Variants in NCAPG observed in about 807,000 individuals in gnomAD.
NCAPG encodes non-SMC condensin I complex subunit G.
A neutral mutation model predicts 113.1 loss-of-function variants in NCAPG; 69 were observed. That is an observed-to-expected ratio of 0.61 (90% CI 0.50 to 0.75). NCAPG has a LOEUF of 0.75. Ranked by LOEUF, NCAPG falls within the 30% of genes least tolerant of loss-of-function variation. NCAPG has a pLI of 0.00. For synonymous variants in NCAPG, 370 were observed against 415.8 expected (o/e 0.89, Z 1.34); for missense variants, 1,058 against 1,177.0 (o/e 0.90, Z 1.48).
rs1410599718 is a variant in NCAPG, at chr4:17,844,328, C to A, written c.*903C>A. On this transcript the variant is annotated 3_prime_UTR_variant, in exon 21 of 21. Coordinates refer to ENST00000251496, the MANE Select transcript of NCAPG (RefSeq NM_022346.5). ...TTTTCTGCAATACCCAACGAAACACCTTTTCTCTTTATTATTCAGAAATGT... is the reference window on the plus strand; with the variant it reads ...TTTTCTGCAATACCCAACGAAACACATTTTCTCTTTATTATTCAGAAATGT... 6.6e-6 allele frequency: 1 copy of A among 152,304 alleles called. No homozygotes were observed. The highest frequency in any genetic ancestry group is 1.5e-5 in the Non-Finnish European group (1 of 67,836). 9.4% of individuals were successfully genotyped at this position (152,304 alleles called of 1,614,324 possible). A position where few individuals can be genotyped will look rare whatever the true frequency, so the allele number is the denominator to read the frequency against.
chr4:17,837,243 C>G lies in NCAPG; in HGVS notation c.2194C>G (p.Arg732Gly). The G allele has an allele frequency of 6.2e-7, 1 of 1,613,932 alleles. No individual in the cohort carries two copies. Among genetic ancestry groups the G allele is most frequent in the Non-Finnish European group, 8.5e-7 (1 of 1,179,918 alleles). Reference sequence around the variant, plus strand: ...TTTGGTCAGCAGCAGGATTCTTTCTCGTCTTATTTTGTTATGGTACAATCC... The same window carrying G: ...TTTGGTCAGCAGCAGGATTCTTTCTGGTCTTATTTTGTTATGGTACAATCC... ...GLLVSSRILS[R>G]LILLWYNPVT... The change falls in exon 15 of 21, where the codon CGT becomes GGT. Residue 732 changes from arginine (R) to glycine (G), a missense_variant. By Grantham distance (125) the Arg-to-Gly change is moderately radical. Transcript: ENST00000251496.
rs780474761 is a variant in NCAPG, at chr4:17,837,756, A to C, written c.2421A>C (p.Arg807Ser). 1 of 1,613,972 alleles carries C rather than the reference A, an allele frequency of 6.2e-7. No individual in the cohort carries two copies. The highest frequency in any genetic ancestry group is 2.2e-5 in the East Asian group (1 of 44,872). ...NVAELLVDLT[R>S]PSGLNPQAKT... ...CTGAGTTACTTGTAGATTTGACAAG[A>C]CCAAGTGGATTAAATCCTCAGGCCA... is the stretch of plus-strand genomic sequence containing the variant. Residue 807 changes from arginine (R) to serine (S), a missense_variant, in exon 16 of 21, where the codon AGA (arginine) becomes AGC (serine). By Grantham distance (110) the Arg-to-Ser change is moderately radical (BLOSUM62 -1). Coordinates refer to ENST00000251496, the MANE Select transcript of NCAPG (RefSeq NM_022346.5).
At chr4:17,823,601 C>T in intron 8 of NCAPG, 46 bp from the exon 9 acceptor site, 4 of 1,542,330 alleles carry the variant, frequency 2.6e-6, no homozygotes, top group Non-Finnish European at 1.8e-6. Context: ...AGAGATAAAA[C>T]ATGTTTTGTC....
chr4:17,838,258 T>A (rs1722184804), intron 16 of NCAPG, among the ~76,000 whole-genome samples: 1 of 152,218 alleles, frequency 6.6e-6, no homozygotes, highest in South Asian at 2.1e-4. Context: ...GTTGTTTTAA[T>A]CCTTTAATGG....
chr4:17,825,058 G>T lies in NCAPG; in HGVS notation c.1473+1G>T, dbSNP rs762857171. 2.2e-5 allele frequency: 35 copies of T among 1,608,424 alleles called. No homozygotes were observed. The South Asian group carries it at 3.6e-4, about 17-fold the overall frequency. On this transcript the variant is annotated splice_donor_variant, in intron 10 of 20. Transcript: ENST00000251496. LOFTEE classifies it high-confidence loss of function. ...TGATGTAAGAAAGAAAGAACTCAAG[G>T]TAAGTCTCTTTTAAATGAAAGAAGT...
In NCAPG at chr4:17,817,407, A is replaced by G. The variant is rs746200906; in HGVS notation, c.922A>G (p.Thr308Ala). ...VSVLNALFSI[T>A]PLSELVGLCK... The stretch of plus-strand genomic sequence containing the variant: ...TGTTCTCAATGCCTTGTTTTCAATA[A>G]CTCCTCTCAGTGAACTGGTGGGACT... The change falls in exon 6 of 21, where the codon ACT becomes GCT. Residue 308 changes from threonine (T) to alanine (A), a missense_variant. Transcript: ENST00000251496. The G allele has an allele frequency of 1.9e-5, 31 of 1,613,902 alleles. No homozygotes were observed.
intron 14 of NCAPG, among the ~76,000 whole-genome samples, chr4:17,834,739 C>T (rs186058299): frequency 2.0e-5 from 3 of 152,162 alleles, no homozygotes. Flanking sequence ...CTCCCCTACC[C>T]CCCTATCCCC....
chr4:17,842,001 AAC>A (rs1722458269), intron 19 of NCAPG: 4 of 245,424 alleles, frequency 1.6e-5, no homozygotes, highest in Middle Eastern at 1.4e-3. Context: ...ACTTCATTAT[AAC>A]ACATTTTTCA....
intron 11 of NCAPG, among the ~76,000 whole-genome samples, 158 bp downstream of exon 11, chr4:17,825,719 T>C (rs1721635219): frequency 6.6e-6 from 1 of 152,090 alleles, no homozygotes; most frequent in Admixed American, 6.5e-5. Flanking sequence ...CCTGTTTCTA[T>C]TTTTGGACTT....
chr4:17,842,539 A>G (rs908299047), intron 20 of NCAPG, 160 bp downstream of exon 20: 4 of 601,944 alleles, frequency 6.6e-6, no homozygotes, highest in Non-Finnish European at 8.8e-6. Context: ...TTCCATCATC[A>G]AGAGCATTTG....
At chr4:17,824,076 G>A (rs1721561733) in intron 9 of NCAPG, among the ~76,000 whole-genome samples, 1 of 152,062 alleles carries the variant, frequency 6.6e-6, no homozygotes, top group African/African-American at 2.4e-5. Flanking sequence ...GTTTTTGAGA[G>A]CTTACTCAAA....
intron 16 of NCAPG, 47 bp downstream of exon 16, chr4:17,837,848 A>T (rs1577210568): frequency 1.2e-6 from 2 of 1,601,434 alleles, no homozygotes; most frequent in East Asian, 4.5e-5. Flanking sequence ...TTGGTAAAAT[A>T]ATCTCTCTCA....
chr4:17,840,458 C>A, intron 18 of NCAPG, 149 bp from the exon 19 acceptor site: 1 of 589,054 alleles, frequency 1.7e-6, no homozygotes, highest in Non-Finnish European at 2.6e-6. Context: ...TTCCAATATT[C>A]AAATTTTCGA....
In NCAPG at chr4:17,837,252, T is replaced by C. The variant is rs1364818482; in HGVS notation, c.2203T>C (p.Leu735=). The part of the protein sequence containing the change: ...VSSRILSRLI[L]LWYNPVTEED... ...CAGCAGGATTCTTTCTCGTCTTATT[T>C]TGTTATGGTACAATCCTGTGACTGA... The change falls in exon 15 of 21, where the codon TTG becomes CTG. Residue 735 remains leucine, a synonymous_variant. Coordinates refer to ENST00000251496, the MANE Select transcript of NCAPG (RefSeq NM_022346.5). 3 of 1,614,044 alleles carry C rather than the reference T, an allele frequency of 1.9e-6. No individual in the cohort carries two copies. The South Asian group carries it at 3.3e-5, about 18-fold the overall frequency.
intron 12 of NCAPG, 128 bp from the exon 13 acceptor site, chr4:17,830,869 T>A: frequency 1.1e-6 from 1 of 894,008 alleles, no homozygotes; most frequent in Non-Finnish European, 1.7e-6. Context: ...CTGGCTATAT[T>A]GTTCTGTTTT....
intron 16 of NCAPG, among the ~76,000 whole-genome samples, chr4:17,839,122 G>A (rs189370124): frequency 3.5e-4 from 54 of 152,270 alleles, no homozygotes; most frequent in African/African-American, 1.3e-3. Context: ...TAATTGGGGA[G>A]TACTCTCATG....
chr4:17,840,646 TA>T lies in NCAPG; in HGVS notation c.2811del (p.Ala938GlnfsTer10). On this transcript the variant is annotated frameshift_variant, in exon 19 of 21. Transcript: ENST00000251496. LOFTEE classifies it high-confidence loss of function. ...GTATATATGACTCCACTCAGGGGTG[TA>T]AAAGCAACCCAAGCATCAAAGTCTA... ...KEVYMTPLRG[V>X]KATQASKSTQ... The T allele has an allele frequency of 1.3e-6, 2 of 1,560,842 alleles. No individual in the cohort carries two copies. The highest frequency in any genetic ancestry group is 2.3e-5 in the East Asian group (1 of 42,596).
chr4:17,842,411 C>CCTAT lies in NCAPG; in HGVS notation c.2924+35_2924+38dup, dbSNP rs779242957. The CCTAT allele has an allele frequency of 2.6e-6, 4 of 1,538,852 alleles. No individual in the cohort carries two copies. In the South Asian group the frequency reaches 4.6e-5, roughly 18 times the overall value. Reference sequence around the variant, plus strand: ...CATGCATGTCTAGAATATATGGAGGCCTATCTTCACTTTTTATTTCTACAA... The same window carrying CCTAT: ...CATGCATGTCTAGAATATATGGAGGCCTATCTATCTTCACTTTTTATTTCTACAA... On this transcript the variant is annotated intron_variant, in intron 20 of 20. Coordinates refer to ENST00000251496, the MANE Select transcript of NCAPG (RefSeq NM_022346.5).
chr4:17,823,054 C>T lies in NCAPG; in HGVS notation c.1190C>T (p.Thr397Ile). The change falls in exon 8 of 21, where the codon ACA (threonine) becomes ATA (isoleucine). Residue 397 changes from threonine to isoleucine, a missense_variant. Physicochemically the swap from Thr to Ile is moderately conservative, Grantham distance 89. Transcript: ENST00000251496. ...GDFSYIGNLM[T>I]KEFIGQQLIL... is the part of the protein sequence containing the mutation. ...TTTTCCTATATTGGAAATTTGATGA[C>T]AAAAGAATTCATAGGTCAACAATTG... 6.2e-7 allele frequency: 1 copy of T among 1,608,736 alleles called. No homozygotes were observed. The highest frequency in any genetic ancestry group is 1.1e-5 in the South Asian group (1 of 90,258).
Sources: gnomAD v4.1 joint callset for allele counts (sites outside exome capture counted in the v4.1 genomes callset) on GRCh38, gnomAD v4.1.1 for gene constraint, MANE v1.5 for transcripts, NCBI Gene and HGNC (gene_info 2026-07-23, HGNC 2026-07-21) for gene names.